The following ADAM7 variants were observed in gnomAD, a reference collection of about 807,000 sequenced individuals.
The protein encoded by ADAM7 is disintegrin and metalloproteinase domain-containing protein 7.
ADAM7 carries 97 observed loss-of-function variants against 102.9 expected under a neutral mutation model. The observed-to-expected ratio is 0.94, with a 90% CI of 0.80 to 1.12. The LOEUF (loss-of-function observed/expected upper bound fraction) is 1.12, where lower values mean the gene tolerates loss of function less well. Ranked by LOEUF, ADAM7 falls within the 50% of genes most tolerant of loss-of-function variation. The probability of loss-of-function intolerance (pLI) is 0.00; values close to 1 mark genes in which losing one functional copy is unlikely to be tolerated. For synonymous variants in ADAM7, 334 were observed against 304.4 expected (o/e 1.10, Z -1.01); for missense variants, 991 against 908.7 (o/e 1.09, Z -1.16).
chr8:24,477,142 A>G (rs1256398604), intron 8 of ADAM7, among the ~76,000 whole-genome samples: 2 of 152,198 alleles, frequency 1.3e-5, no homozygotes, highest in Admixed American at 1.3e-4. Flanking sequence ...GCTATTGTAA[A>G]TACAATGGCT....
At chr8:24,467,060 G>A (rs1819450996) in intron 6 of ADAM7, 72 bp downstream of exon 6, 1 of 1,395,912 alleles carries the variant, frequency 7.2e-7, no homozygotes, top group African/African-American at 1.4e-5. Context: ...TAGGGATAAA[G>A]TATGAGTCCA....
At chr8:24,500,281 T>C (rs762758984) in intron 18 of ADAM7, 25 bp downstream of exon 18, 2 of 1,590,318 alleles carry the variant, frequency 1.3e-6, no homozygotes, top group African/African-American at 1.3e-5. Flanking sequence ...ACAAAATCTT[T>C]CATATATCAA....
chr8:24,509,176 T>C lies in ADAM7; in HGVS notation c.*630T>C. The C allele has an allele frequency of 2.0e-6, 2 of 985,402 alleles. No homozygotes were observed. The highest frequency in any genetic ancestry group is 9.4e-5 in the South Asian group (2 of 21,282). 61.0% of individuals were successfully genotyped at this position (985,402 alleles called of 1,614,324 possible). ...AATTCTAAATTCCTAGGTTTGCCTT[T>C]CTAGAATTCCTTAAGAAGCTGACAG... On this transcript the variant is annotated 3_prime_UTR_variant, in exon 22 of 22. Coordinates refer to ENST00000175238, the MANE Select transcript of ADAM7 (RefSeq NM_003817.4).
At chr8:24,468,881 T>C in intron 7 of ADAM7, 61 bp downstream of exon 7, 1 of 1,458,788 alleles carries the variant, frequency 6.9e-7, no homozygotes, top group South Asian at 1.2e-5. Context: ...TAGTTATCAT[T>C]CTAGCATAGA....
chr8:24,500,224 C>A lies in ADAM7; in HGVS notation c.1970C>A (p.Pro657His), dbSNP rs1396907774. Residue 657 changes from proline (P) to histidine (H), a missense_variant, in exon 18 of 22, where the codon CCT becomes CAT. Pro to His is a moderately conservative substitution (Grantham distance 77, BLOSUM62 -2). Transcript: ENST00000175238. ...LQCHCEEGQA[P>H]VACEETLHVT... ...TGCCACTGTGAGGAAGGACAGGCAC[C>A]TGTAGCCTGTGAAGAAACCTTACAT... The A allele has an allele frequency of 1.9e-6, 3 of 1,611,934 alleles. No homozygotes were observed. Among genetic ancestry groups the A allele is most frequent in the African/African-American group, 2.7e-5 (2 of 75,004 alleles).
At chr8:24,456,756 T>G (rs545046368) in intron 3 of ADAM7, among the ~76,000 whole-genome samples, 1 of 152,274 alleles carries the variant, frequency 6.6e-6, no homozygotes, top group Non-Finnish European at 1.5e-5. Context: ...ATATTGAGAT[T>G]CATTCATGCT....
intron 3 of ADAM7, among the ~76,000 whole-genome samples, chr8:24,462,797 C>T (rs1819291174): frequency 6.6e-6 from 1 of 152,070 alleles, no homozygotes; most frequent in Admixed American, 6.5e-5. Context: ...AACTGGAAGA[C>T]ACAAATAAAT....
chr8:24,503,867 G>A (rs1054536025), intron 20 of ADAM7, among the ~76,000 whole-genome samples: 1 of 151,884 alleles, frequency 6.6e-6, no homozygotes, highest in Non-Finnish European at 1.5e-5. Context: ...CACACACTGA[G>A]GCCTGTCGGG....
At chr8:24,498,724 A>C (rs548767732) in intron 16 of ADAM7, among the ~76,000 whole-genome samples, 108 of 151,960 alleles carry the variant, frequency 7.1e-4, no homozygotes, top group African/African-American at 2.3e-3. Context: ...CGCAAAGACC[A>C]AAAATAACAA....
chr8:24,487,085 A>G (rs935682619), intron 10 of ADAM7, 102 bp from the exon 11 acceptor site: 1 of 1,236,332 alleles, frequency 8.1e-7, no homozygotes, highest in Admixed American at 2.5e-5. Flanking sequence ...ATACCAGTTA[A>G]CTAGGAGCTA....
chr8:24,492,855 T>A (rs1820412759), intron 15 of ADAM7, among the ~76,000 whole-genome samples, 188 bp from the exon 16 acceptor site: 1 of 152,140 alleles, frequency 6.6e-6, no homozygotes, highest in African/African-American at 2.4e-5. Context: ...CATTTTACAT[T>A]TTTTACGGAC....
chr8:24,442,342 C>T lies in ADAM7; in HGVS notation c.53-131C>T, dbSNP rs1377909787. On this transcript the variant is annotated intron_variant, in intron 1 of 21. Coordinates refer to ENST00000175238, the MANE Select transcript of ADAM7 (RefSeq NM_003817.4). Reference sequence around the variant, plus strand: ...TTCCTTGCCAGTAAAGTGGGAATAACATTTCATAGTGTTGCTGTCCATGGC... The same window carrying T: ...TTCCTTGCCAGTAAAGTGGGAATAATATTTCATAGTGTTGCTGTCCATGGC... 3.3e-5 allele frequency: 24 copies of T among 723,326 alleles called. No homozygotes were observed. The East Asian group carries it at 5.9e-4, about 18-fold the overall frequency. 44.8% of individuals were successfully genotyped at this position (723,326 alleles called of 1,614,324 possible). A position where few individuals can be genotyped will look rare whatever the true frequency, so the allele number is the denominator to read the frequency against.
intron 1 of ADAM7, among the ~76,000 whole-genome samples, chr8:24,441,911 T>C (rs10094169): frequency 0.7 from 105,749 of 152,044 alleles, 37,191 homozygotes; most frequent in African/African-American, 0.76. Flanking sequence ...TGGTGGCTCA[T>C]GCCTGTAATC....
chr8:24,499,183 T>C, intron 16 of ADAM7, 53 bp from the exon 17 acceptor site: 1 of 1,410,660 alleles, frequency 7.1e-7, no homozygotes. Context: ...GAAATTACAA[T>C]TTCACATCAA....
chr8:24,476,335 A>AT (rs60628806), intron 7 of ADAM7, 98 bp from the exon 8 acceptor site: 127,149 of 842,142 alleles, frequency 0.15, 11,069 homozygotes, highest in Non-Finnish European at 0.17. Flanking sequence ...TAGGCCAATG[A>AT]TTTTTTTCTT....
chr8:24,489,948 C>T (rs1181349866), intron 12 of ADAM7, among the ~76,000 whole-genome samples: 1 of 152,154 alleles, frequency 6.6e-6, no homozygotes, highest in Admixed American at 6.5e-5. Context: ...TTAATAAGTG[C>T]AGATGAATCA....
rs1415074548 is a variant in ADAM7 at position 24,500,910 on chromosome 8, T to C, written c.2108+15T>C. 9 of 1,585,020 alleles carry C rather than the reference T, an allele frequency of 5.7e-6. No homozygotes were observed. The highest frequency in any genetic ancestry group is 7.8e-6 in the Non-Finnish European group (9 of 1,154,794). On this transcript the variant is annotated intron_variant, in intron 19 of 21. Transcript: ENST00000175238. ...CAAGTTCAGAGGTACATTTACATTT[T>C]TCTATGTGTTGAAGAAGGGAATTGT...
chr8:24,479,274 T>C (rs1819869930), intron 8 of ADAM7, among the ~76,000 whole-genome samples: 1 of 152,150 alleles, frequency 6.6e-6, no homozygotes, highest in African/African-American at 2.4e-5. Context: ...TATTTCTCAG[T>C]GTTCATTTTC....
At chr8:24,477,569 A>AGTGTGTGAGTGTGTGTGTGAGTGTGT (rs60219377) in intron 8 of ADAM7, among the ~76,000 whole-genome samples, 59 of 145,674 alleles carry the variant, frequency 4.1e-4, no homozygotes, top group African/African-American at 1.5e-3. Flanking sequence ...TACCCTCATC[A>AGTGTGTGAGTGTGTGTGTGAGTGTGT]GTGTGTGTGT....
Sources: allele counts gnomAD v4.1 joint callset (sites outside exome capture counted in the v4.1 genomes callset), GRCh38; gene constraint gnomAD v4.1.1; transcripts MANE v1.5; gene names NCBI Gene and HGNC (gene_info 2026-07-23, HGNC 2026-07-21).